MCTP2: variants seen among roughly 807,000 people sequenced by gnomAD.
MCTP2 encodes multiple C2 and transmembrane domain-containing protein 2.
In MCTP2, 132 loss-of-function variants were observed where a neutral mutation model predicts 111.6. That is an observed-to-expected ratio of 1.18 (90% CI 1.03 to 1.37). MCTP2 has a LOEUF of 1.37. MCTP2 is among the 40% of genes most tolerant of loss of function. The pLI, the probability that MCTP2 is intolerant of heterozygous loss-of-function variation, is 0.00. For synonymous variants in MCTP2, 395 were observed against 387.7 expected, an observed-to-expected ratio of 1.02 and a Z score of -0.22; for missense variants, 1,183 against 1,067.9, an observed-to-expected ratio of 1.11 and a Z score of -1.50.
intron 11 of MCTP2, among the ~76,000 whole-genome samples, chr15:94,369,249 G>C (rs1269957528): frequency 6.6e-6 from 1 of 152,172 alleles, no homozygotes; most frequent in African/African-American, 2.4e-5. Flanking sequence ...TGCCTAAATA[G>C]CAAGTATTTT....
intron 1 of MCTP2, among the ~76,000 whole-genome samples, chr15:94,245,235 T>C (rs1171748326): frequency 2.1e-5 from 3 of 143,048 alleles, no homozygotes; most frequent in African/African-American, 7.6e-5. Flanking sequence ...TACATATGTA[T>C]GTATATATAC....
At chr15:94,301,160 A>G (rs895716210) in intron 2 of MCTP2, among the ~76,000 whole-genome samples, 5 of 152,158 alleles carry the variant, frequency 3.3e-5, no homozygotes, top group African/African-American at 1.2e-4. Context: ...CCTAGAAAGT[A>G]CAAAACAAAG....
intron 19 of MCTP2, among the ~76,000 whole-genome samples, chr15:94,447,697 T>G (rs2084201402): frequency 6.6e-6 from 1 of 152,344 alleles, no homozygotes; most frequent in South Asian, 2.1e-4. Context: ...TTCTTAAGAA[T>G]GTCTAAAACA....
At chr15:94,267,394 C>T (rs986827442) in intron 1 of MCTP2, among the ~76,000 whole-genome samples, 4 of 152,088 alleles carry the variant, frequency 2.6e-5, no homozygotes, top group African/African-American at 4.8e-5. Context: ...ATTAGAAGTA[C>T]ATTTCTTTTT....
intron 1 of MCTP2, among the ~76,000 whole-genome samples, chr15:94,244,163 C>T (rs973444670): frequency 6.9e-5 from 10 of 144,638 alleles, no homozygotes; most frequent in African/African-American, 2.3e-4. Context: ...TTTATATACA[C>T]GTGTATACAC....
intron 10 of MCTP2, among the ~76,000 whole-genome samples, chr15:94,366,190 A>G (rs2152434449): frequency 1.3e-5 from 2 of 152,318 alleles, no homozygotes; most frequent in South Asian, 4.1e-4. Flanking sequence ...TTCCCTATTG[A>G]TACAGAAAAA....
intron 4 of MCTP2, among the ~76,000 whole-genome samples, chr15:94,329,592 A>G (rs1596373451): frequency 6.6e-6 from 1 of 152,196 alleles, no homozygotes; most frequent in Non-Finnish European, 1.5e-5. Flanking sequence ...GCTCACTGTC[A>G]TGAAGACAGT....
At chr15:94,275,922 C>T (rs111916202) in intron 1 of MCTP2, among the ~76,000 whole-genome samples, 7,236 of 147,698 alleles carry the variant, frequency 0.049, 200 homozygotes, top group Middle Eastern at 0.086. Context: ...GATCTTGGCT[C>T]ACTGCAACCT....
chr15:94,425,904 G>T (rs2082865858), intron 17 of MCTP2, among the ~76,000 whole-genome samples: 1 of 152,094 alleles, frequency 6.6e-6, no homozygotes, highest in Non-Finnish European at 1.5e-5. Context: ...TAAGGCTCAG[G>T]CAACTTTAGA....
Position 94,476,530 on chromosome 15 carries a change from C to T in MCTP2, c.2471-166C>T. ...GTAATTGTTTTCACACTAATTTTTA[C>T]TTGTGAATATCCCCTCTCCCCCGAG... On this transcript the variant is annotated intron_variant, in intron 21 of 22. Transcript: ENST00000357742. 6 of 489,588 alleles carry T rather than the reference C, an allele frequency of 1.2e-5. No homozygotes were observed. The Middle Eastern group carries it at 3.2e-3, about 264-fold the overall frequency. 30.3% of individuals were successfully genotyped at this position (489,588 alleles called of 1,614,324 possible). A position where few individuals can be genotyped will look rare whatever the true frequency, so the allele number is the denominator to read the frequency against.
chr15:94,443,037 TCTCTC>T (rs1033794791), intron 19 of MCTP2, 77 bp downstream of exon 19: 276 of 1,033,778 alleles, frequency 2.7e-4, no homozygotes, highest in Admixed American at 8.0e-5. Flanking sequence ...AGGTTGAGTC[TCTCTC>T]CTCTCTTTTT....
intron 4 of MCTP2, among the ~76,000 whole-genome samples, chr15:94,319,080 C>A (rs912568918): frequency 1.4e-5 from 2 of 139,954 alleles, no homozygotes; most frequent in African/African-American, 5.3e-5. Flanking sequence ...TTATTGTTAT[C>A]TGTTAAGAAA....
intron 4 of MCTP2, among the ~76,000 whole-genome samples, chr15:94,333,201 G>C (rs2077207596): frequency 1.3e-5 from 2 of 152,162 alleles, no homozygotes; most frequent in Admixed American, 6.5e-5. Flanking sequence ...TCATGCCACT[G>C]TACTCCAGCC....
intron 1 of MCTP2, among the ~76,000 whole-genome samples, chr15:94,270,495 C>G (rs1044495026): frequency 2.4e-4 from 37 of 152,224 alleles, no homozygotes; most frequent in African/African-American, 7.9e-4. Flanking sequence ...CACAGACTGG[C>G]CTACATGGAC....
At chr15:94,313,977 G>T (rs1489812244) in intron 2 of MCTP2, among the ~76,000 whole-genome samples, 3 of 152,248 alleles carry the variant, frequency 2.0e-5, no homozygotes, top group Admixed American at 2.0e-4. Context: ...TGGCTGTGCT[G>T]CCCCGCTGCT....
At chr15:94,243,196 CG>C (rs1206650740) in intron 1 of MCTP2, among the ~76,000 whole-genome samples, 13 of 147,204 alleles carry the variant, frequency 8.8e-5, no homozygotes, top group African/African-American at 2.7e-4. Flanking sequence ...TGCGTATATA[CG>C]TATGCGTATA....
At chr15:94,356,917 C>T (rs980422201) in intron 9 of MCTP2, among the ~76,000 whole-genome samples, 13 of 152,046 alleles carry the variant, frequency 8.6e-5, no homozygotes, top group South Asian at 4.1e-4. Flanking sequence ...GATTTTATTT[C>T]AAAAACTATA....
At chr15:94,294,997 T>C (rs2075203786) in intron 1 of MCTP2, among the ~76,000 whole-genome samples, 1 of 136,422 alleles carries the variant, frequency 7.3e-6, no homozygotes. Flanking sequence ...TCACCCAGGC[T>C]GGAGTGCAGT....
chr15:94,471,120 G>C (rs1295367800), intron 21 of MCTP2, among the ~76,000 whole-genome samples: 1 of 152,224 alleles, frequency 6.6e-6, no homozygotes, highest in Non-Finnish European at 1.5e-5. Context: ...AGCTTGGTGA[G>C]TATTAGTGTC....
Sources: gnomAD v4.1 joint callset for allele counts (sites outside exome capture counted in the v4.1 genomes callset) on GRCh38, gnomAD v4.1.1 for gene constraint, MANE v1.5 for transcripts, NCBI Gene and HGNC (gene_info 2026-07-23, HGNC 2026-07-21) for gene names.